ATG2A: variants seen among roughly 807,000 people sequenced by gnomAD.
The protein encoded by ATG2A is autophagy-related protein 2 homolog A.
In ATG2A, 103 loss-of-function variants were observed where a neutral mutation model predicts 214.2. The ratio of observed to expected loss-of-function variants is 0.48; its 90% CI spans 0.41 to 0.57. The LOEUF (loss-of-function observed/expected upper bound fraction) is 0.57. Ranked by LOEUF, ATG2A falls within the 20% of genes least tolerant of loss-of-function variation. The pLI is 0.00. For missense variants in ATG2A, 2,312 were observed against 2,613.2 expected (o/e 0.88, Z 2.51); for synonymous variants, 1,160 against 1,142.1 (o/e 1.02, Z -0.32).
chr11:64,904,990 G>A (rs1944491793), intron 24 of ATG2A, among the ~76,000 whole-genome samples: 1 of 152,116 alleles, frequency 6.6e-6, no homozygotes, highest in South Asian at 2.1e-4. Context: ...CAAGTAGCTG[G>A]GACTACAGGC....
At chr11:64,912,284 G>GCCCAGGCCCC in intron 7 of ATG2A, 35 bp from the exon 8 acceptor site, 1 of 1,602,320 alleles carries the variant, frequency 6.2e-7, no homozygotes, top group Non-Finnish European at 8.5e-7. Context: ...GGGCTGGCTG[G>GCCCAGGCCCC]CCCTCCCAGC....
chr11:64,898,317 C>A lies in ATG2A; in HGVS notation c.4717G>T (p.Gly1573Trp). 6.2e-7 allele frequency: 1 copy of A among 1,611,926 alleles called. No individual in the cohort carries two copies. The highest frequency in any genetic ancestry group is 8.5e-7 in the Non-Finnish European group (1 of 1,179,344). The change falls in exon 33 of 41, where the codon GGG becomes TGG. Residue 1573 changes from glycine (G) to tryptophan (W), a missense_variant. By Grantham distance (184) the Gly-to-Trp change is radical. Transcript: ENST00000377264. The surrounding 1 kb of genome is among the most constrained non-coding windows in gnomAD (Gnocchi z 4.5). ...LHVAPTTNLG[G>W]PECCLRVSLM... ...GAGACGCGGAGACAGCACTCAGGCC[C>A]ACCCAGGTTGGTAGTGGGGGCCACA... is the stretch of plus-strand genomic sequence containing the variant.
intron 29 of ATG2A, 90 bp from the exon 30 acceptor site, chr11:64,901,182 A>ATTTTTTT: frequency 9.0e-7 from 1 of 1,117,154 alleles, no homozygotes; most frequent in Non-Finnish European, 1.2e-6. Flanking sequence ...CTTCTTTTTC[A>ATTTTTTT]TTTTTTTTTT....
In ATG2A at chr11:64,900,443, C is replaced by G. The variant is rs765034116; in HGVS notation, c.4464+51G>C. On this transcript the variant is annotated intron_variant, in intron 31 of 40. Coordinates refer to ENST00000377264, the MANE Select transcript of ATG2A (RefSeq NM_015104.3). ...GCTACACGTGACATCGAGAACAAGG[C>G]CCGTTGTTCTATGACACACACGTGT... 11 of 1,610,254 alleles carry G rather than the reference C, an allele frequency of 6.8e-6. No individual in the cohort carries two copies. In the East Asian group the frequency reaches 2.0e-4, roughly 29 times the overall value.
At chr11:64,915,957 A>G (rs896295935) in intron 1 of ATG2A, among the ~76,000 whole-genome samples, 2 of 151,992 alleles carry the variant, frequency 1.3e-5, no homozygotes, top group Admixed American at 6.6e-5. Flanking sequence ...CCTACCCCAC[A>G]TTTGCTCACC....
In ATG2A at chr11:64,909,674, C is replaced by G. The variant is rs1022328568; in HGVS notation, c.2107+7G>C. 12 of 1,609,796 alleles carry G rather than the reference C, an allele frequency of 7.5e-6. No homozygotes were observed. Among genetic ancestry groups the G allele is most frequent in the Non-Finnish European group, 1.0e-5 (12 of 1,178,068 alleles). The stretch of plus-strand genomic sequence containing the variant: ...TGCCCCAAGTTCTGTCACTCGGGGG[C>G]TCTCACCATGTAGGTCGGAGCAGGT... On this transcript the variant is annotated splice_region_variant and intron_variant, in intron 14 of 40. Coordinates refer to ENST00000377264, the MANE Select transcript of ATG2A (RefSeq NM_015104.3).
chr11:64,896,895 CAGA>C (rs750554511), intron 37 of ATG2A, 26 bp from the exon 38 acceptor site: 1 of 1,611,152 alleles, frequency 6.2e-7, no homozygotes, highest in African/African-American at 1.3e-5. Flanking sequence ...GGTGAGGAGG[CAGA>C]AGGTGAGGCA....
Position 64,903,395 on chromosome 11 carries a change from GC to G in ATG2A, c.3536-32del, listed in dbSNP as rs765362107. ...GCAGAGGCGAGAGAAAGGTCCTGTG[GC>G]CCCCTTCCACCCGGCCCCGGCCCCA... On this transcript the variant is annotated intron_variant, in intron 25 of 40. Transcript: ENST00000377264. The surrounding 1 kb of genome is among the most constrained non-coding windows in gnomAD (Gnocchi z 4.2). 9 of 1,611,188 alleles carry G rather than the reference GC, an allele frequency of 5.6e-6. No individual in the cohort carries two copies. Among genetic ancestry groups the G allele is most frequent in the African/African-American group, 1.3e-5 (1 of 74,900 alleles).
rs765947965 is a variant in ATG2A at position 64,895,232 on chromosome 11, C to T, written c.5581-23G>A. 17 of 1,612,610 alleles carry T rather than the reference C, an allele frequency of 1.1e-5. No homozygotes were observed. The highest frequency in any genetic ancestry group is 5.0e-5 in the Admixed American group (3 of 59,966). On this transcript the variant is annotated intron_variant, in intron 40 of 40. Coordinates refer to ENST00000377264, the MANE Select transcript of ATG2A (RefSeq NM_015104.3). This position sits in a 1 kb window ranked among gnomAD's most constrained non-coding sequence, Gnocchi z 5.0. ...GCCCTGTGGAAGCCAGAGGTCAGGG[C>T]GGGGTCTGTGTGAGGAGATGGGCAT...
At position 64,909,291 on chromosome 11, in the gene ATG2A, C is replaced by T. The variant is rs764272321; in HGVS notation, c.2184G>A (p.Gly728=). ...CTTACTGGGGCAGGAAGTACTTGCG[C>T]CCAGTGCTCTTGGGGTCCAGGGCTT... The part of the protein sequence containing the change: ...VSKALDPKST[G]RKYFLPQVVV... Residue 728 remains glycine (G), a synonymous_variant, in exon 15 of 41, where the codon GGG becomes GGA. Transcript: ENST00000377264. The T allele has an allele frequency of 1.9e-6, 3 of 1,613,696 alleles. No homozygotes were observed. The highest frequency in any genetic ancestry group is 2.5e-6 in the Non-Finnish European group (3 of 1,179,988).
rs1392718526 is a variant in ATG2A, at chr11:64,909,073, A to C, written c.2282T>G (p.Leu761Arg). 3.1e-6 allele frequency: 5 copies of C among 1,613,330 alleles called. No individual in the cohort carries two copies. The highest frequency in any genetic ancestry group is 4.2e-6 in the Non-Finnish European group (5 of 1,179,972). The part of the protein sequence containing the change: ...VAPEKGEELE[L>R]SVESPCELRE... Reference sequence around the variant, plus strand: ...CAGCTCACAGGGACTCTCCACTGACAGCTCCAGTTCCTCTCCCTTCTCCGG... The same window carrying C: ...CAGCTCACAGGGACTCTCCACTGACCGCTCCAGTTCCTCTCCCTTCTCCGG... Residue 761 changes from leucine (L) to arginine (R), a missense_variant, in exon 16 of 41, where the codon CTG (leucine) becomes CGG (arginine). Leu to Arg is a moderately radical substitution (Grantham distance 102, BLOSUM62 -2). Coordinates refer to ENST00000377264, the MANE Select transcript of ATG2A (RefSeq NM_015104.3).
chr11:64,909,516 G>T (rs1944681977), intron 14 of ATG2A, 149 bp from the exon 15 acceptor site: 14 of 1,413,318 alleles, frequency 9.9e-6, no homozygotes, highest in Non-Finnish European at 1.4e-5. Flanking sequence ...CACCCTACTT[G>T]TCGGTGAGGA....
chr11:64,910,267 G>C, intron 12 of ATG2A, 72 bp from the exon 13 acceptor site: 1 of 1,507,308 alleles, frequency 6.6e-7, no homozygotes. Flanking sequence ...GGCCCTCTCT[G>C]GTAGTGGGAG....
intron 1 of ATG2A, among the ~76,000 whole-genome samples, chr11:64,915,794 C>T (rs116500515): frequency 0.024 from 3,699 of 152,132 alleles, 153 homozygotes; most frequent in African/African-American, 0.084. Context: ...GGCAACATAG[C>T]GAAATCCTGT....
intron 31 of ATG2A, among the ~76,000 whole-genome samples, chr11:64,899,574 C>T (rs1041707498): frequency 6.6e-6 from 1 of 152,182 alleles, no homozygotes; most frequent in Admixed American, 6.5e-5. Context: ...AGTGGGACCC[C>T]CCTGCCCCAG....
rs752659782 is a variant in ATG2A at position 64,897,871 on chromosome 11, G to C, written c.4962C>G (p.Pro1654=). The C allele has an allele frequency of 3.8e-6, 6 of 1,591,516 alleles. No homozygotes were observed. Among genetic ancestry groups the C allele is most frequent in the East Asian group, 2.2e-5 (1 of 44,720 alleles). Residue 1654 remains proline (P), a synonymous_variant, in exon 35 of 41, where the codon CCC becomes CCG. Coordinates refer to ENST00000377264, the MANE Select transcript of ATG2A (RefSeq NM_015104.3). ...AGATGGGCTGCTGGTCAGGAGGGGA[G>C]GGGCTGTGTCCACCTCCTGGGGCCT... ...SQEAPGGGHS[P]SPPDQQPIYF...
chr11:64,911,359 G>A, intron 9 of ATG2A, 84 bp from the exon 10 acceptor site: 2 of 1,408,940 alleles, frequency 1.4e-6, no homozygotes, highest in Non-Finnish European at 2.0e-6. Flanking sequence ...CAGGCTGGGG[G>A]TTGGGAGGCC....
rs1590657306 is a variant in ATG2A at position 64,912,394 on chromosome 11, C to T, written c.855G>A (p.Leu285=). Residue 285 remains leucine, a synonymous_variant, in exon 7 of 41, where the codon CTG becomes CTA. Transcript: ENST00000377264. ...GCTGCCTCGGGGTCAGGAGCAGGTG[C>T]AGGGAGCCCAGCTGTCCCGCCACCT... ...KLEVAGQLGS[L]HLLLTPRQLQ... 1 of 1,543,226 alleles carries T rather than the reference C, an allele frequency of 6.5e-7. No homozygotes were observed. The highest frequency in any genetic ancestry group is 2.5e-5 in the East Asian group (1 of 40,240).
chr11:64,894,962 G>C lies in ATG2A; in HGVS notation c.*11C>G. The C allele has an allele frequency of 1.9e-6, 3 of 1,611,060 alleles. No homozygotes were observed. Among genetic ancestry groups the C allele is most frequent in the Non-Finnish European group, 2.5e-6 (3 of 1,178,638 alleles). On this transcript the variant is annotated 3_prime_UTR_variant, in exon 41 of 41. Transcript: ENST00000377264. ...GTGGGCAGCACCCTCTGGGTGCCGGGCACCCCAGGCTCAGTCTTGGGCACT... is the reference window on the plus strand; with the variant it reads ...GTGGGCAGCACCCTCTGGGTGCCGGCCACCCCAGGCTCAGTCTTGGGCACT...
Sources: allele counts gnomAD v4.1 joint callset (sites outside exome capture counted in the v4.1 genomes callset), GRCh38; gene constraint gnomAD v4.1.1; non-coding constraint Gnocchi (gnomAD v3.1); transcripts MANE v1.5; gene names NCBI Gene and HGNC (gene_info 2026-07-23, HGNC 2026-07-21).